EHBP1: variants seen among roughly 807,000 people sequenced by gnomAD.
The protein encoded by EHBP1 is EH domain binding protein 1.
EHBP1 carries 55 observed loss-of-function variants against 144.0 expected under a neutral mutation model. The ratio of observed to expected loss-of-function variants is 0.38; its 90% CI spans 0.31 to 0.48. The LOEUF is 0.48. Among genes scored for constraint, EHBP1 ranks in the 20% least tolerant of loss-of-function variants. The pLI, the probability that EHBP1 is intolerant of heterozygous loss-of-function variation, is 0.98. For synonymous variants in EHBP1, 469 were observed against 472.7 expected (o/e 0.99, Z 0.10); for missense variants, 1,200 against 1,364.2 (o/e 0.88, Z 1.90).
chr2:62,707,535 C>T (rs899581412), intron 2 of EHBP1, among the ~76,000 whole-genome samples: 1 of 152,136 alleles, frequency 6.6e-6, no homozygotes, highest in Non-Finnish European at 1.5e-5. Flanking sequence ...TGAGAGCACA[C>T]TAAATACAAT....
chr2:62,685,043 T>C (rs1329902514), intron 1 of EHBP1, among the ~76,000 whole-genome samples: 1 of 151,592 alleles, frequency 6.6e-6, no homozygotes, highest in Non-Finnish European at 1.5e-5. Context: ...GAGATGAGAG[T>C]CAAAGGGTAA....
chr2:62,807,724 T>G (rs1255857695), intron 5 of EHBP1, among the ~76,000 whole-genome samples: 1 of 152,150 alleles, frequency 6.6e-6, no homozygotes, highest in Non-Finnish European at 1.5e-5. Flanking sequence ...ATCTCAATTT[T>G]TGTTTGTCTG....
At chr2:62,714,133 T>C (rs2035432944) in intron 2 of EHBP1, among the ~76,000 whole-genome samples, 1 of 152,118 alleles carries the variant, frequency 6.6e-6, no homozygotes, top group South Asian at 2.1e-4. Context: ...ATTCACACTT[T>C]GGGAGGGGCT....
chr2:62,882,000 T>G (rs971619301), intron 10 of EHBP1, among the ~76,000 whole-genome samples: 3 of 152,238 alleles, frequency 2.0e-5, no homozygotes, highest in East Asian at 1.9e-4. Context: ...TTTTCATTAA[T>G]TGTATGATTT....
At position 62,978,181 on chromosome 2, in the gene EHBP1, G is replaced by A. The variant is rs183870736; in HGVS notation, c.2461-1007G>A. ...AAGCAGTTTCACATTGATTATTTGC[G>A]ATTCATAATATTAATAATCCTTTTT... On this transcript the variant is annotated intron_variant, in intron 14 of 22. Transcript: ENST00000431489. 1.1e-3 allele frequency among the ~76,000 whole-genome samples: 173 copies of A among 151,280 alleles called. 2 individuals carry two copies. In the Middle Eastern group the frequency reaches 0.014, roughly 12 times the overall value.
intron 1 of EHBP1, among the ~76,000 whole-genome samples, chr2:62,676,388 A>G (rs919662046): frequency 3.3e-5 from 5 of 152,246 alleles, no homozygotes; most frequent in African/African-American, 1.2e-4. Flanking sequence ...AGATGAATTG[A>G]CATTGTGCTT....
intron 5 of EHBP1, among the ~76,000 whole-genome samples, chr2:62,825,712 T>C (rs1214852657): frequency 6.6e-6 from 1 of 152,072 alleles, no homozygotes; most frequent in Non-Finnish European, 1.5e-5. Context: ...TTAAATATTA[T>C]CAAAGCAAAG....
chr2:62,868,234 C>T (rs1235698509), intron 9 of EHBP1, among the ~76,000 whole-genome samples: 1 of 152,022 alleles, frequency 6.6e-6, no homozygotes, highest in Non-Finnish European at 1.5e-5. Context: ...AAAAACTTAG[C>T]TAGGCATGGT....
chr2:62,829,717 ACG>A (rs1259767802), intron 6 of EHBP1, among the ~76,000 whole-genome samples: 1 of 146,954 alleles, frequency 6.8e-6, no homozygotes, highest in African/African-American at 2.5e-5. Flanking sequence ...ATATATAAAT[ACG>A]TAATATTTAT....
chr2:62,720,431 T>G (rs2036117516), intron 2 of EHBP1, among the ~76,000 whole-genome samples: 2 of 152,210 alleles, frequency 1.3e-5, no homozygotes, highest in Admixed American at 1.3e-4. Context: ...TCTGAAATCT[T>G]GTTTTTACTA....
intron 12 of EHBP1, among the ~76,000 whole-genome samples, chr2:62,947,017 G>A (rs779487419): frequency 6.6e-6 from 1 of 152,122 alleles, no homozygotes; most frequent in Admixed American, 6.6e-5. Context: ...TACTGCCTGT[G>A]GTGCTTTCCC....
chr2:62,903,827 A>C (rs2053599132), intron 10 of EHBP1, among the ~76,000 whole-genome samples: 1 of 152,066 alleles, frequency 6.6e-6, no homozygotes, highest in African/African-American at 2.4e-5. Context: ...TATTGAGTGA[A>C]AAGGTCTGCT....
chr2:62,779,978 T>C (rs1020066137), intron 5 of EHBP1, among the ~76,000 whole-genome samples: 1 of 152,196 alleles, frequency 6.6e-6, no homozygotes, highest in African/African-American at 2.4e-5. Flanking sequence ...ATTTCAGATA[T>C]TATATCATTT....
intron 15 of EHBP1, among the ~76,000 whole-genome samples, chr2:62,984,954 TA>T: frequency 1.3e-5 from 2 of 152,046 alleles, no homozygotes; most frequent in Non-Finnish European, 2.9e-5. Context: ...TTTCCAGACT[TA>T]CCTATTTTTT....
At chr2:62,930,084 CA>C (rs2055864211) in intron 10 of EHBP1, among the ~76,000 whole-genome samples, 1 of 151,996 alleles carries the variant, frequency 6.6e-6, no homozygotes, top group Non-Finnish European at 1.5e-5. Context: ...CCCATCTCTA[CA>C]AAACATTTTA....
chr2:62,893,025 A>G (rs2052588792), intron 10 of EHBP1, among the ~76,000 whole-genome samples: 1 of 152,184 alleles, frequency 6.6e-6, no homozygotes, highest in Admixed American at 6.5e-5. Flanking sequence ...GATAGTAATG[A>G]ACATTTCCAA....
intron 5 of EHBP1, among the ~76,000 whole-genome samples, chr2:62,825,149 A>G (rs991827083): frequency 6.6e-6 from 1 of 151,294 alleles, no homozygotes; most frequent in East Asian, 1.9e-4. Flanking sequence ...TATGTTATTT[A>G]CACATTATCC....
intron 5 of EHBP1, among the ~76,000 whole-genome samples, chr2:62,802,388 AAAG>A (rs1162708163): frequency 1.3e-5 from 2 of 152,186 alleles, no homozygotes; most frequent in East Asian, 1.9e-4. Flanking sequence ...CTCTCACAAC[AAAG>A]AAGAATTTAG....
At chr2:62,963,836 G>T (rs1574268951) in intron 14 of EHBP1, among the ~76,000 whole-genome samples, 1 of 152,200 alleles carries the variant, frequency 6.6e-6, no homozygotes, top group East Asian at 1.9e-4. Flanking sequence ...TATGCCCAGG[G>T]CACTGAAATG....
Sources: gnomAD v4.1 joint callset for allele counts (sites outside exome capture counted in the v4.1 genomes callset) on GRCh38, gnomAD v4.1.1 for gene constraint, MANE v1.5 for transcripts, NCBI Gene and HGNC (gene_info 2026-07-23, HGNC 2026-07-21) for gene names.